The following NKAIN2 variants were observed in gnomAD, a reference collection of about 807,000 sequenced individuals.
NKAIN2 encodes sodium/potassium transporting ATPase interacting 2, also known as sodium/potassium-transporting ATPase subunit beta-1-interacting protein 2.
NKAIN2 carries 14 observed loss-of-function variants against 32.6 expected under a neutral mutation model. The observed-to-expected ratio is 0.43, with a 90% confidence interval of 0.28 to 0.67. The LOEUF is 0.67. Among genes scored for constraint, NKAIN2 ranks in the 30% least tolerant of loss-of-function variants. NKAIN2 has a pLI of 0.17. For missense variants in NKAIN2, 198 were observed against 258.3 expected (o/e 0.77, Z 1.60); for synonymous variants, 80 against 87.2 (o/e 0.92, Z 0.46).
At chr6:123,855,112 A>G (rs373051455) in intron 1 of NKAIN2, among the ~76,000 whole-genome samples, 4 of 152,252 alleles carry the variant, frequency 2.6e-5, no homozygotes, top group African/African-American at 7.2e-5. Context: ...ATTCCTTTAC[A>G]TAAACAGATT....
intron 1 of NKAIN2, among the ~76,000 whole-genome samples, chr6:123,911,812 T>TATAC (rs1331943561): frequency 9.3e-4 from 79 of 85,016 alleles, no homozygotes; most frequent in African/African-American, 3.1e-3. Flanking sequence ...TATATATATA[T>TATAC]ACACACACAC....
Position 124,409,751 on chromosome 6 carries a change from T to G in NKAIN2, c.273+54404T>G, listed in dbSNP as rs564184080. Among the ~76,000 whole-genome samples the G allele has an allele frequency of 1.8e-4, 28 of 152,336 alleles. No individual in the cohort carries two copies. The South Asian group carries it at 5.4e-3, about 29-fold the overall frequency. On this transcript the variant is annotated intron_variant, in intron 3 of 6. Coordinates refer to ENST00000368417, the MANE Select transcript of NKAIN2 (RefSeq NM_001040214.3). Reference sequence around the variant, plus strand: ...TTCCCTCTTTTTCTATTGATTGGAATAGTTTCAGAAGGAATGGTACCAGCT... The same window carrying G: ...TTCCCTCTTTTTCTATTGATTGGAAGAGTTTCAGAAGGAATGGTACCAGCT...
At chr6:124,083,558 T>C (rs1006339201) in intron 1 of NKAIN2, among the ~76,000 whole-genome samples, 2 of 151,962 alleles carry the variant, frequency 1.3e-5, no homozygotes, top group African/African-American at 2.4e-5. Flanking sequence ...ATATATACTC[T>C]TTTACTACTT....
chr6:124,679,080 C>T (rs1208969727), intron 4 of NKAIN2, among the ~76,000 whole-genome samples: 1 of 151,996 alleles, frequency 6.6e-6, no homozygotes, highest in African/African-American at 2.4e-5. Flanking sequence ...ACAGGCTTCT[C>T]GAGTATACTA....
intron 4 of NKAIN2, among the ~76,000 whole-genome samples, chr6:124,765,736 C>T (rs1778485702): frequency 6.6e-6 from 1 of 152,170 alleles, no homozygotes; most frequent in Non-Finnish European, 1.5e-5. Flanking sequence ...TACCACCACC[C>T]TGAATCTCTA....
chr6:123,903,309 T>G lies in NKAIN2; in HGVS notation c.54+99055T>G, dbSNP rs561166767. On this transcript the variant is annotated intron_variant, in intron 1 of 6. Transcript: ENST00000368417. ...TTGTTTTTTGTTGTTGTTGTTTTTT[T>G]GCTGATGGAGAAAGTGCTTCTTGGT... Among the ~76,000 whole-genome samples, 45 of 152,306 alleles carry G rather than the reference T, an allele frequency of 3.0e-4. 1 individual carries two copies. Among genetic ancestry groups the G allele is most frequent in the African/African-American group, 1.1e-3 (45 of 41,572 alleles).
intron 1 of NKAIN2, among the ~76,000 whole-genome samples, chr6:123,933,137 G>C (rs907537428): frequency 1.3e-5 from 2 of 152,120 alleles, no homozygotes; most frequent in African/African-American, 4.8e-5. Flanking sequence ...GGGACCCCTT[G>C]TTCAAAAGCA....
chr6:124,300,994 A>G (rs1163481447), intron 2 of NKAIN2, among the ~76,000 whole-genome samples: 1 of 152,218 alleles, frequency 6.6e-6, no homozygotes, highest in Non-Finnish European at 1.5e-5. Flanking sequence ...CCAAATGCTA[A>G]TCACCAAGAC....
At chr6:124,325,117 C>T (rs1334616332) in intron 2 of NKAIN2, among the ~76,000 whole-genome samples, 3 of 151,916 alleles carry the variant, frequency 2.0e-5, no homozygotes, top group Non-Finnish European at 4.4e-5. Flanking sequence ...ATTTGAATAG[C>T]CTCATCACTC....
intron 1 of NKAIN2, among the ~76,000 whole-genome samples, chr6:124,213,100 C>G (rs802245): frequency 0.69 from 105,478 of 151,926 alleles, 36,875 homozygotes; most frequent in South Asian, 0.76. Flanking sequence ...ATTTTACGTG[C>G]GAATATCCTA....
At chr6:124,042,855 G>C (rs1781935503) in intron 1 of NKAIN2, among the ~76,000 whole-genome samples, 1 of 152,080 alleles carries the variant, frequency 6.6e-6, no homozygotes, top group Non-Finnish European at 1.5e-5. Flanking sequence ...TTACGTTCAT[G>C]TAAATTAGGT....
chr6:124,138,274 C>T (rs753830951), intron 1 of NKAIN2, among the ~76,000 whole-genome samples: 16 of 151,998 alleles, frequency 1.1e-4, no homozygotes, highest in Non-Finnish European at 1.2e-4. Flanking sequence ...AAAATTAGAA[C>T]TACAATGAGA....
chr6:123,889,188 C>T (rs1178149877), intron 1 of NKAIN2, among the ~76,000 whole-genome samples: 1 of 152,032 alleles, frequency 6.6e-6, no homozygotes, highest in African/African-American at 2.4e-5. Context: ...TCCATTGCAG[C>T]CCATGATAGT....
chr6:123,877,170 T>C lies in NKAIN2; in HGVS notation c.54+72916T>C, dbSNP rs545500877. Among the ~76,000 whole-genome samples the C allele has an allele frequency of 7.2e-5, 11 of 152,322 alleles. 1 individual carries two copies. The South Asian group carries it at 1.9e-3, about 26-fold the overall frequency. On this transcript the variant is annotated intron_variant, in intron 1 of 6. Coordinates refer to ENST00000368417, the MANE Select transcript of NKAIN2 (RefSeq NM_001040214.3). Reference sequence around the variant, plus strand: ...TACTTTTGATATTCTGTGGGCCTAATATTATTTAACATATAAATTATTCTG... The same window carrying C: ...TACTTTTGATATTCTGTGGGCCTAACATTATTTAACATATAAATTATTCTG...
At chr6:124,056,006 G>A (rs1782631837) in intron 1 of NKAIN2, among the ~76,000 whole-genome samples, 1 of 152,020 alleles carries the variant, frequency 6.6e-6, no homozygotes, top group South Asian at 2.1e-4. Context: ...TCTAAGTATA[G>A]CATTTGCTAT....
intron 4 of NKAIN2, among the ~76,000 whole-genome samples, chr6:124,751,771 G>A (rs1371760015): frequency 6.6e-6 from 1 of 151,266 alleles, no homozygotes; most frequent in Non-Finnish European, 1.5e-5. Context: ...TTGAGCCCAG[G>A]AGTTGGAGAC....
chr6:123,866,453 CG>C (rs1772518249), intron 1 of NKAIN2, among the ~76,000 whole-genome samples: 1 of 151,824 alleles, frequency 6.6e-6, no homozygotes, highest in Admixed American at 6.6e-5. Context: ...TTTTTTGAGA[CG>C]GAGTCTCGCT....
At chr6:124,136,994 C>T (rs1233219788) in intron 1 of NKAIN2, among the ~76,000 whole-genome samples, 3 of 152,006 alleles carry the variant, frequency 2.0e-5, no homozygotes, top group Admixed American at 2.0e-4. Flanking sequence ...CAACATAGTA[C>T]TGTAAGTCCT....
At chr6:123,985,549 T>C (rs1297625690) in intron 1 of NKAIN2, among the ~76,000 whole-genome samples, 1 of 152,190 alleles carries the variant, frequency 6.6e-6, no homozygotes, top group East Asian at 1.9e-4. Context: ...TATGCAATTC[T>C]GTTTATAAAT....
Sources: gnomAD v4.1 joint callset for allele counts (sites outside exome capture counted in the v4.1 genomes callset) on GRCh38, gnomAD v4.1.1 for gene constraint, MANE v1.5 for transcripts, NCBI Gene and HGNC (gene_info 2026-07-23, HGNC 2026-07-21) for gene names.